PLS1: variants seen among roughly 807,000 people sequenced by gnomAD.
PLS1 encodes plastin 1.
PLS1 carries 32 observed loss-of-function variants against 73.7 expected under a neutral mutation model. The ratio of observed to expected loss-of-function variants is 0.43; its 90% confidence interval spans 0.33 to 0.58. The LOEUF (loss-of-function observed/expected upper bound fraction) is 0.58. Ranked by LOEUF, PLS1 falls within the 20% of genes least tolerant of loss-of-function variation. The pLI is 0.04. For missense variants in PLS1, 633 were observed against 740.5 expected (o/e 0.85, Z 1.68); for synonymous variants, 217 against 261.3 (o/e 0.83, Z 1.63).
At chr3:142,669,732 TAAAAC>T (rs1477981484) in intron 3 of PLS1, among the ~76,000 whole-genome samples, 179 bp downstream of exon 3, 3 of 152,122 alleles carry the variant, frequency 2.0e-5, no homozygotes, top group Admixed American at 6.6e-5. Flanking sequence ...AACTAATTCA[TAAAAC>T]AAAGGAAAAA....
intron 1 of PLS1, among the ~76,000 whole-genome samples, chr3:142,639,982 G>A (rs59896851): frequency 0.015 from 2,310 of 152,128 alleles, 57 homozygotes; most frequent in African/African-American, 0.052. Flanking sequence ...ACGAAGCCTC[G>A]AAAAACCAAG....
Position 142,684,099 on chromosome 3 carries a change from T to G in PLS1, c.673T>G (p.Leu225Val), listed in dbSNP as rs893758527. 1 of 1,614,008 alleles carries G rather than the reference T, an allele frequency of 6.2e-7. No homozygotes were observed. The highest frequency in any genetic ancestry group is 1.3e-5 in the African/African-American group (1 of 74,920). The change falls in exon 7 of 16, where the codon TTG becomes GTG. Residue 225 changes from leucine (L) to valine (V), a missense_variant. Leu to Val is a conservative substitution (Grantham distance 32). Transcript: ENST00000457734. The part of the protein sequence containing the change: ...ASDLKEGKPH[L>V]VLGLLWQIIK... ...AGATCTCAAAGAAGGAAAACCTCACTTGGTCTTGGGACTTCTCTGGCAGAT... is the reference window on the plus strand; with the variant it reads ...AGATCTCAAAGAAGGAAAACCTCACGTGGTCTTGGGACTTCTCTGGCAGAT...
At position 142,695,532 on chromosome 3, in the gene PLS1, AAC is replaced by A. The variant is rs201678669; in HGVS notation, c.1256+989_1256+990del. On this transcript the variant is annotated intron_variant, in intron 11 of 15. Coordinates refer to ENST00000457734, the MANE Select transcript of PLS1 (RefSeq NM_001145319.2). ...CCTGTTACAGTAGCAGGGAAGTTAAAACACAAATATTGAAGGTGAGGAGGGAT... is the reference window on the plus strand; with the variant it reads ...CCTGTTACAGTAGCAGGGAAGTTAAAACAAATATTGAAGGTGAGGAGGGAT... Among the ~76,000 whole-genome samples the A allele has an allele frequency of 9.8e-3, 1,488 of 152,318 alleles. 30 individuals are homozygous for A. Among genetic ancestry groups the A allele is most frequent in the African/African-American group, 0.034 (1,425 of 41,582 alleles).
intron 12 of PLS1, among the ~76,000 whole-genome samples, chr3:142,700,944 TTGC>T (rs935534151): frequency 6.6e-6 from 1 of 152,240 alleles, no homozygotes; most frequent in African/African-American, 2.4e-5. Context: ...TCATTTTCTC[TTGC>T]TGCCACCATG....
intron 1 of PLS1, among the ~76,000 whole-genome samples, chr3:142,642,125 T>C (rs1008397246): frequency 1.7e-4 from 26 of 152,158 alleles, no homozygotes; most frequent in Non-Finnish European, 3.2e-4. Context: ...CATGTTTCCC[T>C]TGTCACCTCT....
chr3:142,683,158 T>TGG (rs2037890165), intron 6 of PLS1, among the ~76,000 whole-genome samples: 2 of 152,228 alleles, frequency 1.3e-5, no homozygotes, highest in African/African-American at 4.8e-5. Context: ...CCCATTAAAT[T>TGG]GTCGCTATTA....
At chr3:142,600,074 A>C (rs1201091250) in intron 1 of PLS1, among the ~76,000 whole-genome samples, 1 of 152,186 alleles carries the variant, frequency 6.6e-6, no homozygotes, top group African/African-American at 2.4e-5. Context: ...AGTTGGTAGC[A>C]AGACACTCCA....
In PLS1 at chr3:142,684,323, G is replaced by T. The variant is rs758607836; in HGVS notation, c.816G>T (p.Leu272=). ...TGAAGCTTTCTCCCGAGGAATTACT[G>T]CTGCGATGGGTGAACTACCATCTGA... ...ELMKLSPEEL[L]LRWVNYHLTN... is the part of the protein sequence containing the mutation. The change falls in exon 8 of 16, where the codon CTG becomes CTT. Residue 272 remains leucine (L), a synonymous_variant. Transcript: ENST00000457734. The T allele has an allele frequency of 6.2e-7, 1 of 1,613,910 alleles. No individual in the cohort carries two copies. Among genetic ancestry groups the T allele is most frequent in the Non-Finnish European group, 8.5e-7 (1 of 1,179,790 alleles).
At chr3:142,709,807 ACT>A (rs1207130274) in intron 14 of PLS1, among the ~76,000 whole-genome samples, 1 of 133,596 alleles carries the variant, frequency 7.5e-6, no homozygotes, top group Non-Finnish European at 1.6e-5. Flanking sequence ...ACAGAGCGAG[ACT>A]CTGCGTCAAA....
intron 1 of PLS1, among the ~76,000 whole-genome samples, chr3:142,618,637 G>T (rs1354526238): frequency 6.6e-6 from 1 of 152,120 alleles, no homozygotes; most frequent in African/African-American, 2.4e-5. Flanking sequence ...GCCATCCCCA[G>T]CTTCTAGAGG....
At chr3:142,616,850 C>T (rs2036224839) in intron 1 of PLS1, among the ~76,000 whole-genome samples, 1 of 152,166 alleles carries the variant, frequency 6.6e-6, no homozygotes, top group East Asian at 1.9e-4. Flanking sequence ...GATCCATCAG[C>T]CCAGGCCTCC....
intron 10 of PLS1, 120 bp from the exon 11 acceptor site, chr3:142,694,349 A>T: frequency 1.9e-6 from 1 of 531,054 alleles, no homozygotes; most frequent in Non-Finnish European, 3.4e-6. Context: ...AAGAAACTGT[A>T]GTATCTAAAG....
intron 14 of PLS1, among the ~76,000 whole-genome samples, chr3:142,707,937 T>G (rs1270965813): frequency 1.3e-5 from 2 of 152,218 alleles, no homozygotes; most frequent in Non-Finnish European, 2.9e-5. Flanking sequence ...TACTTCTGGC[T>G]CAGCATTTAG....
intron 14 of PLS1, among the ~76,000 whole-genome samples, chr3:142,704,930 T>A (rs1039744446): frequency 2.0e-5 from 3 of 151,758 alleles, no homozygotes; most frequent in African/African-American, 7.3e-5. Flanking sequence ...AGTGTTGGGA[T>A]TACAGGCATG....
chr3:142,668,254 A>T (rs2037519828), intron 2 of PLS1, among the ~76,000 whole-genome samples: 1 of 152,186 alleles, frequency 6.6e-6, no homozygotes, highest in Admixed American at 6.5e-5. Context: ...AACCTAGGGA[A>T]GGGCATCTCT....
At position 142,689,621 on chromosome 3, in the gene PLS1, A is replaced by G; in HGVS notation, c.985A>G (p.Thr329Ala). ...IAIDLSGINE[T>A]NDLKRAGLML... The stretch of plus-strand genomic sequence containing the variant: ...CCATTTTTGTTTTATTGTTTAGGAG[A>G]CAAATGACCTGAAGCGTGCTGGACT... The change falls in exon 10 of 16, where the codon ACA becomes GCA. Residue 329 changes from threonine to alanine, a missense_variant. By Grantham distance (58) the Thr-to-Ala change is moderately conservative. Transcript: ENST00000457734. The G allele has an allele frequency of 6.5e-7, 1 of 1,538,016 alleles. No homozygotes were observed. Among genetic ancestry groups the G allele is most frequent in the Non-Finnish European group, 8.7e-7 (1 of 1,145,788 alleles).
At chr3:142,694,698 G>A in intron 11 of PLS1, 151 bp downstream of exon 11, 4 of 531,260 alleles carry the variant, frequency 7.5e-6, no homozygotes, top group East Asian at 3.2e-5. Context: ...GCAATACAAT[G>A]GATTTTAAAA....
intron 1 of PLS1, among the ~76,000 whole-genome samples, chr3:142,635,534 C>CG (rs1221871850): frequency 6.6e-6 from 1 of 151,918 alleles, no homozygotes; most frequent in Non-Finnish European, 1.5e-5. Flanking sequence ...ACCTGGGAGG[C>CG]GAAGGTTGCA....
chr3:142,685,581 CCT>C (rs1424424768), intron 8 of PLS1, among the ~76,000 whole-genome samples: 5 of 152,156 alleles, frequency 3.3e-5, no homozygotes, highest in Admixed American at 6.5e-5. Flanking sequence ...CTCCACAAGG[CCT>C]CTCTACATGG....
Sources: allele counts gnomAD v4.1 joint callset (sites outside exome capture counted in the v4.1 genomes callset), GRCh38; gene constraint gnomAD v4.1.1; transcripts MANE v1.5; gene names NCBI Gene and HGNC (gene_info 2026-07-23, HGNC 2026-07-21).